Variants in RBFOX1 observed in about 807,000 individuals in gnomAD.
RBFOX1 encodes RNA binding protein fox-1 homolog 1.
A neutral mutation model predicts 57.7 loss-of-function variants in RBFOX1; 8 were observed. That is an observed-to-expected ratio of 0.14 (90% CI 0.08 to 0.25). RBFOX1 has a LOEUF of 0.25. Among genes scored for constraint, RBFOX1 ranks in the 10% least tolerant of loss-of-function variants. The pLI is 1.00. For synonymous variants in RBFOX1, 326 were observed against 222.4 expected (o/e 1.47, Z -4.15); for missense variants, 611 against 548.5 (o/e 1.11, Z -1.14).
At chr16:7,419,859 C>G (rs770391293) in intron 4 of RBFOX1, among the ~76,000 whole-genome samples, 1 of 151,334 alleles carries the variant, frequency 6.6e-6, no homozygotes, top group Non-Finnish European at 1.5e-5. Flanking sequence ...CTTTTCTCCA[C>G]TAATTATACC....
At chr16:7,634,811 C>T (rs1299035254) in intron 11 of RBFOX1, among the ~76,000 whole-genome samples, 2 of 152,198 alleles carry the variant, frequency 1.3e-5, no homozygotes, top group Non-Finnish European at 2.9e-5. Flanking sequence ...TAATAAACTA[C>T]TCTCATCCAG....
At chr16:6,719,726 G>A (rs559165421) in intron 3 of RBFOX1, among the ~76,000 whole-genome samples, 6 of 152,036 alleles carry the variant, frequency 3.9e-5, no homozygotes, top group Middle Eastern at 3.4e-3. Flanking sequence ...GATTACAGGC[G>A]TGAGCCACCG....
chr16:7,618,262 A>G (rs1803899892), intron 10 of RBFOX1, among the ~76,000 whole-genome samples: 2 of 152,166 alleles, frequency 1.3e-5, no homozygotes, highest in Non-Finnish European at 2.9e-5. Flanking sequence ...AATAAGGAAG[A>G]CACCTGTTGG....
At chr16:6,880,070 C>T (rs1274375545) in intron 3 of RBFOX1, among the ~76,000 whole-genome samples, 2 of 152,150 alleles carry the variant, frequency 1.3e-5, no homozygotes, top group Non-Finnish European at 2.9e-5. Flanking sequence ...AGATTCAACT[C>T]CTTTCTCCTT....
At chr16:7,097,129 G>T (rs1026179764) in intron 4 of RBFOX1, among the ~76,000 whole-genome samples, 1 of 152,102 alleles carries the variant, frequency 6.6e-6, no homozygotes. Context: ...AAATGCAACC[G>T]CGAGAGAGGT....
chr16:7,211,701 G>T (rs753326682), intron 4 of RBFOX1, among the ~76,000 whole-genome samples: 8 of 152,126 alleles, frequency 5.3e-5, no homozygotes, highest in Admixed American at 2.6e-4. Flanking sequence ...CTGGGGTAAT[G>T]GGTGGGTTTC....
At chr16:7,527,577 T>G (rs2078985486) in intron 5 of RBFOX1, among the ~76,000 whole-genome samples, 1 of 152,052 alleles carries the variant, frequency 6.6e-6, no homozygotes. Flanking sequence ...AGAAGCAGAG[T>G]AGAATCTAGG....
chr16:6,085,013 G>C (rs2096064009), intron 1 of RBFOX1, among the ~76,000 whole-genome samples: 1 of 152,158 alleles, frequency 6.6e-6, no homozygotes, highest in Non-Finnish European at 1.5e-5. Context: ...CAATCAACTT[G>C]TGAGAATTCA....
chr16:6,955,595 G>A (rs1413928924), intron 3 of RBFOX1, among the ~76,000 whole-genome samples: 4 of 152,064 alleles, frequency 2.6e-5, no homozygotes, highest in African/African-American at 9.7e-5. Flanking sequence ...ATATGCTGGT[G>A]CATTGTATTG....
At chr16:6,269,629 T>C (rs541533815) in intron 1 of RBFOX1, among the ~76,000 whole-genome samples, 4 of 152,158 alleles carry the variant, frequency 2.6e-5, no homozygotes, top group African/African-American at 9.7e-5. Context: ...GAATTCTGTA[T>C]TGAGTGAAAA....
intron 1 of RBFOX1, among the ~76,000 whole-genome samples, chr16:6,174,171 GC>G (rs2096985050): frequency 6.6e-6 from 1 of 152,176 alleles, no homozygotes; most frequent in Non-Finnish European, 1.5e-5. Flanking sequence ...GGTACACTTT[GC>G]CTTTATTCCT....
chr16:6,273,679 T>C (rs1351187667), intron 1 of RBFOX1, among the ~76,000 whole-genome samples: 1 of 152,034 alleles, frequency 6.6e-6, no homozygotes, highest in East Asian at 1.9e-4. Context: ...AAAGCACAGT[T>C]CATAAAGAAA....
intron 10 of RBFOX1, among the ~76,000 whole-genome samples, chr16:7,626,429 G>A (rs371685537): frequency 1.2e-4 from 18 of 152,304 alleles, no homozygotes; most frequent in African/African-American, 3.6e-4. Flanking sequence ...GAGAGTGGCT[G>A]TGGGACATCT....
chr16:5,908,255 CAT>C lies in RBFOX1; in HGVS notation c.351+40926_351+40927del, dbSNP rs1186923894. On this transcript the variant is annotated intron_variant, in intron 4 of 19. Transcript: ENST00000641259. Reference sequence around the variant, plus strand: ...ATATATATACATATACATACACACACATATATACACATATATATACATACATA... The same window carrying C: ...ATATATATACATATACATACACACACATATACACATATATATACATACATA... Among the ~76,000 whole-genome samples the C allele has an allele frequency of 3.0e-4, 36 of 118,476 alleles. 2 individuals are homozygous for C. The highest frequency in any genetic ancestry group is 4.8e-3 in the Middle Eastern group (1 of 208). The allele number at this position is 118,476 out of a possible 152,430, so 77.7% of individuals were successfully genotyped here.
chr16:6,863,287 G>C (rs892151047), intron 3 of RBFOX1, among the ~76,000 whole-genome samples: 1 of 152,128 alleles, frequency 6.6e-6, no homozygotes, highest in African/African-American at 2.4e-5. Context: ...TGCAGACTGG[G>C]AAAAGTGATT....
chr16:6,858,725 C>T (rs537904066), intron 3 of RBFOX1, among the ~76,000 whole-genome samples: 8 of 152,188 alleles, frequency 5.3e-5, no homozygotes, highest in Admixed American at 3.3e-4. Context: ...AGCTCAGCCT[C>T]TTTATGGAAC....
intron 4 of RBFOX1, among the ~76,000 whole-genome samples, chr16:7,154,042 A>G (rs948737488): frequency 2.6e-5 from 4 of 152,206 alleles, no homozygotes; most frequent in Admixed American, 6.5e-5. Flanking sequence ...TTTTGTTACT[A>G]GTATTTAGCA....
chr16:7,659,006 T>A (rs1234538031), intron 12 of RBFOX1, among the ~76,000 whole-genome samples: 1 of 152,210 alleles, frequency 6.6e-6, no homozygotes, highest in Non-Finnish European at 1.5e-5. Flanking sequence ...ATTACAGGCA[T>A]GTGCCACCGC....
chr16:6,224,863 C>T (rs1313404933), intron 1 of RBFOX1, among the ~76,000 whole-genome samples: 2 of 151,738 alleles, frequency 1.3e-5, no homozygotes, highest in Non-Finnish European at 2.9e-5. Flanking sequence ...CTATTTAATA[C>T]AAAAAATTAG....
Sources: gnomAD v4.1 joint callset for allele counts (sites outside exome capture counted in the v4.1 genomes callset) on GRCh38, gnomAD v4.1.1 for gene constraint, MANE v1.5 for transcripts, NCBI Gene and HGNC (gene_info 2026-07-23, HGNC 2026-07-21) for gene names.